CINP: variants seen among roughly 807,000 people sequenced by gnomAD.
CINP encodes the protein cyclin-dependent kinase 2-interacting protein.
A neutral mutation model predicts 20.5 loss-of-function variants in CINP; 11 were observed. The observed-to-expected ratio is 0.54, with a 90% confidence interval of 0.34 to 0.89. CINP has a LOEUF of 0.89. CINP is among the 40% of genes least tolerant of loss of function. CINP has a pLI of 0.02. For missense variants in CINP, 213 were observed against 251.0 expected, an observed-to-expected ratio of 0.85 and a Z score of 1.02; for synonymous variants, 108 against 102.1, an observed-to-expected ratio of 1.06 and a Z score of -0.35.
At chr14:102,350,072 T>C in intron 3 of CINP, 24 bp from the exon 4 acceptor site, 1 of 1,591,356 alleles carries the variant, frequency 6.3e-7, no homozygotes, top group Non-Finnish European at 8.6e-7. Context: ...ATTTGGAATA[T>C]GATAATATTA....
chr14:102,352,686 T>C (rs1269645203), intron 3 of CINP: 2 of 392,676 alleles, frequency 5.1e-6, no homozygotes, highest in African/African-American at 2.1e-5. Context: ...TGACACGGAG[T>C]CTCACTCTGT....
chr14:102,361,625 A>G (rs1264587733), intron 1 of CINP, among the ~76,000 whole-genome samples: 1 of 151,986 alleles, frequency 6.6e-6, no homozygotes, highest in Non-Finnish European at 1.5e-5. Context: ...TGGGTGACAG[A>G]GCGAGACTCC....
In CINP at chr14:102,359,065, G is replaced by C. The variant is rs145214483; in HGVS notation, c.176+354C>G. On this transcript the variant is annotated intron_variant, in intron 2 of 4. Coordinates refer to ENST00000216756, the MANE Select transcript of CINP (RefSeq NM_032630.3). ...AAAATACAAAAATTATCTGGGTGTG[G>C]TGACGGGCGCCTGTAATCCCAGCTA... 6.1e-3 allele frequency among the ~76,000 whole-genome samples: 925 copies of C among 151,822 alleles called. 14 individuals carry two copies. Among genetic ancestry groups the C allele is most frequent in the African/African-American group, 0.022 (891 of 41,388 alleles).
Position 102,354,807 on chromosome 14 carries a change from C to T in CINP, c.306+961G>A, listed in dbSNP as rs186105617. 3.5e-4 allele frequency among the ~76,000 whole-genome samples: 53 copies of T among 152,106 alleles called. No homozygotes were observed. The East Asian group carries it at 8.3e-3, about 24-fold the overall frequency. On this transcript the variant is annotated intron_variant, in intron 3 of 4. Coordinates refer to ENST00000216756, the MANE Select transcript of CINP (RefSeq NM_032630.3). ...AAAAAAGGCCAGGTGCGGTGACTCA[C>T]GCCTGTAATCCCAGCAGTTTGGGAG...
At chr14:102,361,122 C>CT (rs144734693) in intron 1 of CINP, among the ~76,000 whole-genome samples, 24 of 152,178 alleles carry the variant, frequency 1.6e-4, no homozygotes, top group Non-Finnish European at 3.4e-4. Context: ...GTGTGATCCC[C>CT]TGAGAAGGTG....
rs185800588 is a variant in CINP at position 102,362,827 on chromosome 14, G to A, written c.7+18C>T. Reference sequence around the variant, plus strand: ...TTCACAGCCACCCCACCCCGGGAAAGGAACCGATCTCACGCACCTTCCATA... The same window carrying A: ...TTCACAGCCACCCCACCCCGGGAAAAGAACCGATCTCACGCACCTTCCATA... On this transcript the variant is annotated intron_variant, in intron 1 of 4. Transcript: ENST00000216756. 10,199 of 1,614,052 alleles carry A rather than the reference G, an allele frequency of 6.3e-3. 41 individuals are homozygous for A. Among genetic ancestry groups the A allele is most frequent in the Non-Finnish European group, 7.4e-3 (8,760 of 1,179,936 alleles).
rs968049548 is a variant in CINP, at chr14:102,357,752, G to A, written c.176+1667C>T. On this transcript the variant is annotated intron_variant, in intron 2 of 4. Coordinates refer to ENST00000216756, the MANE Select transcript of CINP (RefSeq NM_032630.3). ...CCATCTCCATAACATAAAAGTGCAA[G>A]GTGAAGCTGCAAGCGCTAATGTAGA... 7.2e-5 allele frequency among the ~76,000 whole-genome samples: 11 copies of A among 152,228 alleles called. 1 individual carries two copies. The highest frequency in any genetic ancestry group is 2.6e-4 in the Admixed American group (4 of 15,276).
chr14:102,359,964 T>C (rs1887101699), intron 1 of CINP, among the ~76,000 whole-genome samples: 3 of 152,278 alleles, frequency 2.0e-5, no homozygotes, highest in African/African-American at 4.8e-5. Flanking sequence ...CCCGAGTACT[T>C]CCACTATCTA....
chr14:102,350,080 T>A (rs12323844), intron 3 of CINP, 32 bp from the exon 4 acceptor site: 97,800 of 1,573,612 alleles, frequency 0.062, 3,739 homozygotes, highest in African/African-American at 0.17. Flanking sequence ...TATGATAATA[T>A]TATTTGAAAT....
At chr14:102,353,220 C>T (rs1886911649) in intron 3 of CINP, among the ~76,000 whole-genome samples, 1 of 152,078 alleles carries the variant, frequency 6.6e-6, no homozygotes, top group Non-Finnish European at 1.5e-5. Context: ...GTAGATACTG[C>T]ACCCTCAAGC....
Position 102,350,714 on chromosome 14 carries a change from G to GCT in CINP, c.307-668_307-667dup, listed in dbSNP as rs759772323. 3.5e-3 allele frequency among the ~76,000 whole-genome samples: 530 copies of GCT among 149,946 alleles called. 3 individuals are homozygous for GCT. The highest frequency in any genetic ancestry group is 4.1e-3 in the Non-Finnish European group (278 of 67,452). On this transcript the variant is annotated intron_variant, in intron 3 of 4. Coordinates refer to ENST00000216756, the MANE Select transcript of CINP (RefSeq NM_032630.3). ...GGCATCAAATGAGCTCGTTTCTGAT[G>GCT]CTCTCTCTCTCTCTCTTTTATCAAA...
intron 2 of CINP, among the ~76,000 whole-genome samples, chr14:102,359,209 T>A (rs1459617176): frequency 8.3e-5 from 9 of 108,890 alleles, no homozygotes; most frequent in Admixed American, 5.9e-4. Context: ...TCCAAAAAAA[T>A]AAATAAATAA....
chr14:102,348,479 C>G lies in CINP; in HGVS notation c.*78G>C, dbSNP rs1886792944. 1 of 1,340,632 alleles carries G rather than the reference C, an allele frequency of 7.5e-7. No homozygotes were observed. The highest frequency in any genetic ancestry group is 1.0e-6 in the Non-Finnish European group (1 of 975,182). 83.0% of individuals were successfully genotyped at this position (1,340,632 alleles called of 1,614,324 possible). On this transcript the variant is annotated 3_prime_UTR_variant, in exon 5 of 5. Transcript: ENST00000216756. ...TCTGATCCTGGGGTCTGATCCAGGC[C>G]TGCGGCACTGGGTCCTAGGCAGACT...
chr14:102,360,384 C>T (rs1199217010), intron 1 of CINP, among the ~76,000 whole-genome samples: 1 of 151,934 alleles, frequency 6.6e-6, no homozygotes. Context: ...TTGTTCTCCC[C>T]GAACCCTCCT....
chr14:102,351,946 G>A lies in CINP; in HGVS notation c.307-1898C>T, dbSNP rs1425668471. 6.6e-6 allele frequency among the ~76,000 whole-genome samples: 1 copy of A among 151,928 alleles called. No homozygotes were observed. The highest frequency in any genetic ancestry group is 1.9e-4 in the East Asian group (1 of 5,190). ...GTCACCCAGGCTGGAGTGCAGTGGC[G>A]CGATCTCCGCTCACTGCAACCTCCG... On this transcript the variant is annotated intron_variant, in intron 3 of 4. Coordinates refer to ENST00000216756, the MANE Select transcript of CINP (RefSeq NM_032630.3). The surrounding 1 kb of genome is among the most constrained non-coding windows in gnomAD (Gnocchi z 4.2).
Position 102,359,473 on chromosome 14 carries a change from T to A in CINP, c.122A>T (p.Asn41Ile), listed in dbSNP as rs199840100. 6.2e-7 allele frequency: 1 copy of A among 1,612,076 alleles called. No homozygotes were observed. The highest frequency in any genetic ancestry group is 1.3e-5 in the African/African-American group (1 of 74,864). The change falls in exon 2 of 5, where the codon AAT becomes ATT. Residue 41 changes from asparagine (N) to isoleucine (I), a missense_variant. By Grantham distance (149) the Asn-to-Ile change is moderately radical. Coordinates refer to ENST00000216756, the MANE Select transcript of CINP (RefSeq NM_032630.3). ...HNLILKWETL[N>I]DAGFTTANNI... ...ATTTGCAGTGGTAAAACCTGCATCATTGAGGGTTTCCCACTTCAGGATTAA... is the reference window on the plus strand; with the variant it reads ...ATTTGCAGTGGTAAAACCTGCATCAATGAGGGTTTCCCACTTCAGGATTAA...
rs1316936700 is a variant in CINP, at chr14:102,359,440, G to T, written c.155C>A (p.Ala52Asp). The T allele has an allele frequency of 6.3e-7, 1 of 1,598,388 alleles. No individual in the cohort carries two copies. The highest frequency in any genetic ancestry group is 1.3e-5 in the African/African-American group (1 of 74,388). The change falls in exon 2 of 5, where the codon GCC (alanine) becomes GAC (aspartate). Residue 52 changes from alanine (A) to aspartate (D), a missense_variant. Transcript: ENST00000216756. ...DAGFTTANNIANLKISLLNKD... is the reference protein window; with the variant it reads ...DAGFTTANNIDNLKISLLNKD... ...TTACAATAAACTGATTTTCAAGTTG[G>T]CAATATTATTTGCAGTGGTAAAACC...
rs773695939 is a variant in CINP, at chr14:102,351,381, G to A, written c.307-1333C>T. Among the ~76,000 whole-genome samples, 18 of 152,116 alleles carry A rather than the reference G, an allele frequency of 1.2e-4. 1 individual carries two copies. The highest frequency in any genetic ancestry group is 4.1e-4 in the South Asian group (2 of 4,832). ...GGCAGCACAGAATAGGGGCAATGGCGGGCTTACTTTCACAGCTTGGTGAAG... is the reference window on the plus strand; with the variant it reads ...GGCAGCACAGAATAGGGGCAATGGCAGGCTTACTTTCACAGCTTGGTGAAG... On this transcript the variant is annotated intron_variant, in intron 3 of 4. Coordinates refer to ENST00000216756, the MANE Select transcript of CINP (RefSeq NM_032630.3). The surrounding 1 kb of genome is among the most constrained non-coding windows in gnomAD (Gnocchi z 4.2).
chr14:102,360,385 G>C (rs1051349229), intron 1 of CINP, among the ~76,000 whole-genome samples: 3 of 151,344 alleles, frequency 2.0e-5, no homozygotes, highest in African/African-American at 7.3e-5. Context: ...TGTTCTCCCC[G>C]AACCCTCCTG....
Sources: gnomAD v4.1 joint callset for allele counts (sites outside exome capture counted in the v4.1 genomes callset) on GRCh38, gnomAD v4.1.1 for gene constraint, Gnocchi (gnomAD v3.1) non-coding constraint, MANE v1.5 for transcripts, NCBI Gene and HGNC (gene_info 2026-07-23, HGNC 2026-07-21) for gene names.